PCDH15: variants seen among roughly 807,000 people sequenced by gnomAD.
PCDH15 encodes the protein protocadherin related 15.
Under a neutral mutation model 178.5 loss-of-function variants are expected in PCDH15, and 129 were observed. The observed-to-expected ratio is 0.72, with a 90% CI of 0.63 to 0.84. PCDH15 has a LOEUF of 0.84. Among genes scored for constraint, PCDH15 ranks in the 40% least tolerant of loss-of-function variants. The pLI, the probability that PCDH15 is intolerant of heterozygous loss-of-function variation, is 0.00. For missense variants in PCDH15, 2,230 were observed against 2,099.9 expected, an observed-to-expected ratio of 1.06 and a Z score of -1.21; for synonymous variants, 800 against 732.0, an observed-to-expected ratio of 1.09 and a Z score of -1.50.
At chr10:54,842,219 A>G (rs1035017066) in intron 3 of PCDH15, among the ~76,000 whole-genome samples, 3 of 151,450 alleles carry the variant, frequency 2.0e-5, no homozygotes, top group African/African-American at 4.8e-5. Context: ...AGAGAGAGAG[A>G]GAATATGAAT....
chr10:55,409,793 G>A (rs996301066), intron 2 of PCDH15, among the ~76,000 whole-genome samples: 1 of 152,108 alleles, frequency 6.6e-6, no homozygotes. Flanking sequence ...AGACATTAAA[G>A]TACTAATTTG....
At chr10:54,584,839 G>A (rs925187284) in intron 2 of PCDH15, among the ~76,000 whole-genome samples, 1 of 152,056 alleles carries the variant, frequency 6.6e-6, no homozygotes, top group African/African-American at 2.4e-5. Flanking sequence ...GTGACCAAAT[G>A]TCCATTAGCA....
intron 1 of PCDH15, among the ~76,000 whole-genome samples, chr10:54,723,084 C>A (rs1941909658): frequency 6.6e-6 from 1 of 151,376 alleles, no homozygotes; most frequent in South Asian, 2.1e-4. Context: ...TCCCAAATAG[C>A]CAAAGCAATC....
intron 18 of PCDH15, among the ~76,000 whole-genome samples, chr10:54,024,381 A>G (rs1026007474): frequency 1.3e-5 from 2 of 152,184 alleles, no homozygotes; most frequent in African/African-American, 4.8e-5. Flanking sequence ...CAGGGACACA[A>G]AAATCACTCG....
chr10:55,072,201 A>G (rs1411240493), intron 2 of PCDH15, among the ~76,000 whole-genome samples: 2 of 152,182 alleles, frequency 1.3e-5, no homozygotes, highest in Non-Finnish European at 2.9e-5. Context: ...GAAAAGCAAG[A>G]GCAAACACAT....
Position 54,158,616 on chromosome 10 carries a change from T to TA in PCDH15, c.1591-5324dup, listed in dbSNP as rs527326379. On this transcript the variant is annotated intron_variant, in intron 13 of 37. Coordinates refer to ENST00000644397, the MANE Select transcript of PCDH15 (RefSeq NM_001384140.1). ...TTTAATTGCTCTTTCCTGGTTCTGATAAAAAAAATACAGCTTGATATAAAA... is the reference window on the plus strand; with the variant it reads ...TTTAATTGCTCTTTCCTGGTTCTGATAAAAAAAAATACAGCTTGATATAAAA... Among the ~76,000 whole-genome samples, 139 of 151,998 alleles carry TA rather than the reference T, an allele frequency of 9.1e-4. 1 individual carries two copies. Among genetic ancestry groups the TA allele is most frequent in the East Asian group, 2.5e-3 (13 of 5,170 alleles).
chr10:54,535,979 C>G (rs1252417395), intron 2 of PCDH15, among the ~76,000 whole-genome samples: 1 of 152,084 alleles, frequency 6.6e-6, no homozygotes, highest in Non-Finnish European at 1.5e-5. Flanking sequence ...GGTTTTCCTT[C>G]CATTGTGGGT....
intron 3 of PCDH15, among the ~76,000 whole-genome samples, chr10:54,515,760 C>T (rs978224710): frequency 1.3e-5 from 2 of 152,184 alleles, no homozygotes; most frequent in Non-Finnish European, 2.9e-5. Context: ...CTCACACGGT[C>T]GGGTACTCCT....
At chr10:54,348,315 T>G (rs1256871723) in intron 5 of PCDH15, among the ~76,000 whole-genome samples, 1 of 152,190 alleles carries the variant, frequency 6.6e-6, no homozygotes, top group Admixed American at 6.5e-5. Flanking sequence ...CCCAGTTTCC[T>G]AGCAGGCAGC....
At chr10:55,142,671 T>C (rs572763976) in intron 2 of PCDH15, among the ~76,000 whole-genome samples, 57 of 138,314 alleles carry the variant, frequency 4.1e-4, no homozygotes, top group Middle Eastern at 3.8e-3. Context: ...GATGGATAAT[T>C]TAATATTAAC....
rs76732940 is a variant in PCDH15, at chr10:54,818,949, G to A, written c.-29+78501C>T. The stretch of plus-strand genomic sequence containing the variant: ...TTTTTATTTATTTATTTTAGAGACA[G>A]GGCGTCATTTTGTTGTGCAGACTGA... On this transcript the variant is annotated intron_variant, in intron 3 of 5. Transcript: ENST00000458638. Among the ~76,000 whole-genome samples, 1,058 of 151,996 alleles carry A rather than the reference G, an allele frequency of 7.0e-3. 13 individuals are homozygous for A. The highest frequency in any genetic ancestry group is 0.024 in the African/African-American group (993 of 41,474).
intron 2 of PCDH15, among the ~76,000 whole-genome samples, chr10:55,526,737 A>T (rs1396626593): frequency 6.6e-6 from 1 of 152,070 alleles, no homozygotes; most frequent in African/African-American, 2.4e-5. Flanking sequence ...CTTGTCAGTA[A>T]ATATTTTCAA....
intron 8 of PCDH15, among the ~76,000 whole-genome samples, chr10:54,301,678 G>A (rs754431133): frequency 1.3e-5 from 2 of 152,112 alleles, no homozygotes; most frequent in South Asian, 2.1e-4. Context: ...ATGCTTCCAG[G>A]TGATGAATTT....
At chr10:55,046,152 G>T (rs945987729) in intron 2 of PCDH15, among the ~76,000 whole-genome samples, 2 of 151,928 alleles carry the variant, frequency 1.3e-5, no homozygotes, top group Admixed American at 6.6e-5. Context: ...GATTTTTACT[G>T]TGCTCAATTA....
At chr10:53,947,119 G>T (rs551827020) in intron 23 of PCDH15, among the ~76,000 whole-genome samples, 65 of 152,142 alleles carry the variant, frequency 4.3e-4, no homozygotes, top group Middle Eastern at 6.8e-3. Context: ...TGAAAATATA[G>T]ATTACAATAA....
chr10:55,067,064 A>C (rs1383714909), intron 2 of PCDH15, among the ~76,000 whole-genome samples: 1 of 151,992 alleles, frequency 6.6e-6, no homozygotes, highest in Non-Finnish European at 1.5e-5. Context: ...AAGAAAAGAG[A>C]GACATGAAAG....
intron 3 of PCDH15, among the ~76,000 whole-genome samples, chr10:54,460,763 A>C (rs1296131863): frequency 1.3e-5 from 2 of 152,080 alleles, no homozygotes; most frequent in Non-Finnish European, 2.9e-5. Context: ...ATGGAGAATA[A>C]TATATTTTAT....
At chr10:54,635,345 G>T (rs1365584948) in intron 2 of PCDH15, among the ~76,000 whole-genome samples, 1 of 150,976 alleles carries the variant, frequency 6.6e-6, no homozygotes, top group Non-Finnish European at 1.5e-5. Flanking sequence ...TGTAAAAATG[G>T]TGACATTCGT....
intron 1 of PCDH15, among the ~76,000 whole-genome samples, chr10:54,753,109 A>C (rs1322277164): frequency 6.6e-6 from 1 of 152,218 alleles, no homozygotes; most frequent in Non-Finnish European, 1.5e-5. Context: ...CAATGTTTGC[A>C]CATCCATGGT....
Sources: gnomAD v4.1 joint callset for allele counts (sites outside exome capture counted in the v4.1 genomes callset) on GRCh38, gnomAD v4.1.1 for gene constraint, MANE v1.5 for transcripts, NCBI Gene and HGNC (gene_info 2026-07-23, HGNC 2026-07-21) for gene names.